Variants in ETS1 observed in about 807,000 individuals in gnomAD.
The protein encoded by ETS1 is ETS proto-oncogene 1, transcription factor.
In ETS1, 15 loss-of-function variants were observed where a neutral mutation model predicts 58.6. That is an observed-to-expected ratio of 0.26 (90% CI 0.17 to 0.39). The LOEUF (loss-of-function observed/expected upper bound fraction) is 0.39. Among genes scored for constraint, ETS1 ranks in the 10% least tolerant of loss-of-function variants. ETS1 has a pLI of 1.00. For missense variants in ETS1, 417 were observed against 610.5 expected (o/e 0.68, Z 3.34); for synonymous variants, 214 against 218.2 (o/e 0.98, Z 0.17).
chr11:128,537,685 C>T (rs1462763790), intron 3 of ETS1, among the ~76,000 whole-genome samples: 3 of 152,104 alleles, frequency 2.0e-5, no homozygotes, highest in Non-Finnish European at 4.4e-5. Context: ...GGTCACGGAA[C>T]ATATATTTCT....
chr11:128,528,933 T>A (rs893329102), intron 3 of ETS1: 4 of 152,218 alleles, frequency 2.6e-5, no homozygotes, highest in Non-Finnish European at 5.9e-5. Context: ...AAAAATGACA[T>A]TTGGCTCACC....
chr11:128,510,364 T>C (rs1863360131), intron 3 of ETS1, among the ~76,000 whole-genome samples: 2 of 152,236 alleles, frequency 1.3e-5, no homozygotes, highest in African/African-American at 4.8e-5. Context: ...TGTCCATATC[T>C]GGTGGCTTAA....
chr11:128,475,063 C>T (rs1232902273), intron 8 of ETS1, among the ~76,000 whole-genome samples: 1 of 152,290 alleles, frequency 6.6e-6, no homozygotes, highest in African/African-American at 2.4e-5. Flanking sequence ...CAGAGCTTCG[C>T]TCCTGTTATC....
rs542133839 is a variant in ETS1, at chr11:128,549,378, C to G, written c.214+6913G>C. Reference sequence around the variant, plus strand: ...GCGGCCGGAGCCGAGCGGGGCCTGACGCCAGCCGGCGGCGTCCACCGTCCC... The same window carrying G: ...GCGGCCGGAGCCGAGCGGGGCCTGAGGCCAGCCGGCGGCGTCCACCGTCCC... On this transcript the variant is annotated intron_variant, in intron 3 of 9. Coordinates refer to ENST00000392668, the MANE Select transcript of ETS1 (RefSeq NM_001143820.2). The surrounding 1 kb of genome is among the most constrained non-coding windows in gnomAD (Gnocchi z 4.3). 1.3e-5 allele frequency among the ~76,000 whole-genome samples: 2 copies of G among 152,088 alleles called. No homozygotes were observed. The highest frequency in any genetic ancestry group is 2.9e-5 in the Non-Finnish European group (2 of 68,012).
At chr11:128,471,366 G>T (rs1591593596) in intron 8 of ETS1, among the ~76,000 whole-genome samples, 1 of 152,356 alleles carries the variant, frequency 6.6e-6, no homozygotes, top group East Asian at 1.9e-4. Flanking sequence ...AAAGACCTTT[G>T]TTTTTGCTCT....
intron 2 of ETS1, among the ~76,000 whole-genome samples, chr11:128,568,029 G>A (rs1401296040): frequency 6.6e-6 from 1 of 152,150 alleles, no homozygotes; most frequent in African/African-American, 2.4e-5. Context: ...CTGGCACTTG[G>A]GGATATGTAG....
intron 3 of ETS1, among the ~76,000 whole-genome samples, chr11:128,502,753 C>A (rs1470924309): frequency 6.6e-6 from 1 of 152,202 alleles, no homozygotes; most frequent in East Asian, 1.9e-4. Context: ...CCTTAATCCT[C>A]CTACAGCCTT....
At chr11:128,579,739 T>C (rs1391946325) in intron 1 of ETS1, among the ~76,000 whole-genome samples, 1 of 152,092 alleles carries the variant, frequency 6.6e-6, no homozygotes, top group Non-Finnish European at 1.5e-5. Context: ...ACAGCACTTT[T>C]GCCAAACTAA....
intron 3 of ETS1, among the ~76,000 whole-genome samples, chr11:128,501,426 G>C (rs1863086737): frequency 1.3e-5 from 2 of 152,152 alleles, no homozygotes; most frequent in Non-Finnish European, 2.9e-5. Context: ...TGTACCTATT[G>C]ACTGAATTTT....
intron 3 of ETS1, among the ~76,000 whole-genome samples, chr11:128,554,735 A>G (rs985544574): frequency 7.2e-5 from 11 of 152,090 alleles, no homozygotes; most frequent in African/African-American, 2.7e-4. Context: ...CAAGTGTTAA[A>G]GCAAGGCAGC....
intron 3 of ETS1, among the ~76,000 whole-genome samples, chr11:128,521,314 G>A (rs1863661418): frequency 6.6e-6 from 1 of 152,180 alleles, no homozygotes; most frequent in Admixed American, 6.5e-5. Context: ...GGTAAAGTAA[G>A]TAACCTACAT....
At chr11:128,535,320 G>A (rs775839306) in intron 3 of ETS1, among the ~76,000 whole-genome samples, 1 of 152,110 alleles carries the variant, frequency 6.6e-6, no homozygotes, top group Non-Finnish European at 1.5e-5. Context: ...GTAGATTCTG[G>A]ATATTAGACC....
At chr11:128,473,971 T>C (rs777731535) in intron 8 of ETS1, among the ~76,000 whole-genome samples, 4 of 152,188 alleles carry the variant, frequency 2.6e-5, no homozygotes, top group Non-Finnish European at 5.9e-5. Flanking sequence ...GTGGAAACAT[T>C]TTGCTTCCTC....
intron 1 of ETS1, among the ~76,000 whole-genome samples, chr11:128,575,305 G>C (rs11221359): frequency 0.082 from 10,469 of 127,382 alleles, 528 homozygotes; most frequent in East Asian, 0.22. Context: ...ATTGAATGTG[G>C]TTTCTCTCTC....
At chr11:128,540,323 A>AC (rs1470381419) in intron 3 of ETS1, among the ~76,000 whole-genome samples, 5 of 150,436 alleles carry the variant, frequency 3.3e-5, no homozygotes, top group Admixed American at 1.3e-4. Flanking sequence ...TCCATCTCAA[A>AC]AAAAAAAAAA....
At position 128,556,351 on chromosome 11, in the gene ETS1, G is replaced by T. The variant is rs1864312346; in HGVS notation, c.154C>A (p.Pro52Thr). 6.2e-7 allele frequency: 1 copy of T among 1,613,334 alleles called. No individual in the cohort carries two copies. Among genetic ancestry groups the T allele is most frequent in the Non-Finnish European group, 8.5e-7 (1 of 1,179,352 alleles). Reference protein sequence around the residue: ...SNYHQQRPCYPFWDEMATQEV... With the variant: ...SNYHQQRPCYTFWDEMATQEV... ...TGAGTTGCCATCTCATCCCAAAAGG[G>T]GTAGCAAGGTCTTTGCTGGTGATAA... Residue 52 changes from proline (P) to threonine (T), a missense_variant, in exon 3 of 10, where the codon CCC becomes ACC. Physicochemically the swap from Pro to Thr is conservative, Grantham distance 38. Around this residue, in one of 4 missense-constraint regions of ETS1, gnomAD observed 90 missense variants for 90.3 expected, o/e 1.00. Transcript: ENST00000392668.
chr11:128,484,461 C>T (rs1862570692), intron 7 of ETS1, among the ~76,000 whole-genome samples: 1 of 152,158 alleles, frequency 6.6e-6, no homozygotes. Flanking sequence ...TCCAGGGTGG[C>T]CACTTGAACC....
intron 2 of ETS1, among the ~76,000 whole-genome samples, chr11:128,565,164 G>A (rs1864471799): frequency 6.6e-6 from 1 of 152,140 alleles, no homozygotes; most frequent in African/African-American, 2.4e-5. Context: ...GGCATTATGA[G>A]GTGAGTAAGT....
chr11:128,524,915 C>G (rs1348941015), intron 3 of ETS1, among the ~76,000 whole-genome samples: 2 of 152,062 alleles, frequency 1.3e-5, no homozygotes. Flanking sequence ...CACGTCCACT[C>G]GGTTACATGT....
Sources: allele counts gnomAD v4.1 joint callset (sites outside exome capture counted in the v4.1 genomes callset), GRCh38; gene constraint gnomAD v4.1.1; regional missense constraint gnomAD v4.1.1; non-coding constraint Gnocchi (gnomAD v3.1); transcripts MANE v1.5; gene names NCBI Gene and HGNC (gene_info 2026-07-23, HGNC 2026-07-21).